The following GOLGA8A variants were observed in gnomAD, a reference collection of about 807,000 sequenced individuals.
GOLGA8A encodes golgin A8 family member A.
A neutral mutation model predicts 22.1 loss-of-function variants in GOLGA8A; 3 were observed. The observed-to-expected ratio is 0.14, with a 90% CI of 0.06 to 0.35. The LOEUF (loss-of-function observed/expected upper bound fraction) is 0.35, where lower values mean the gene tolerates loss of function less well. GOLGA8A is among the 10% of genes least tolerant of loss of function. The probability of loss-of-function intolerance (pLI) is 1.00; values close to 1 mark genes in which losing one functional copy is unlikely to be tolerated. For synonymous variants in GOLGA8A, 7 were observed against 91.7 expected (o/e 0.08, Z 5.28); for missense variants, 16 against 233.2 (o/e 0.07, Z 6.07).
intron 2 of GOLGA8A, among the ~76,000 whole-genome samples, chr15:34,432,350 T>G (rs1026771903): frequency 6.7e-6 from 1 of 148,476 alleles, no homozygotes; most frequent in African/African-American, 2.5e-5. Flanking sequence ...AAAACAAATC[T>G]GATACAAAAT....
intron 2 of GOLGA8A, chr15:34,416,475 TG>T (rs1378503259): frequency 2.2e-5 from 3 of 139,524 alleles, no homozygotes; most frequent in Non-Finnish European, 4.6e-5. Flanking sequence ...TGCCCCCTTT[TG>T]TTCATTCATA....
rs1034126115 is a variant in GOLGA8A, at chr15:34,437,436, CTCGCCGCG to C, written c.-1258_-1251del. 7.2e-6 allele frequency: 1 copy of C among 139,334 alleles called. No individual in the cohort carries two copies. The highest frequency in any genetic ancestry group is 2.6e-5 in the African/African-American group (1 of 38,322). 8.6% of individuals were successfully genotyped at this position (139,334 alleles called of 1,614,324 possible). Reference sequence around the variant, plus strand: ...GGGGCTGCCCCGGTCCGCCGCCGTCCTCGCCGCGCCGCCGTCCTCGCCGCGCCGCCGTC... The same window carrying C: ...GGGGCTGCCCCGGTCCGCCGCCGTCCCCGCCGTCCTCGCCGCGCCGCCGTC... On this transcript the variant is annotated 5_prime_UTR_variant, in exon 1 of 25. Transcript: ENST00000359187.
chr15:34,430,949 G>A (rs1449673080), intron 2 of GOLGA8A, among the ~76,000 whole-genome samples: 1 of 148,916 alleles, frequency 6.7e-6, no homozygotes, highest in Non-Finnish European at 1.5e-5. Flanking sequence ...ACCAGCTCCG[G>A]ATAATTCAGA....
chr15:34,425,955 G>A (rs1363807000), intron 2 of GOLGA8A, among the ~76,000 whole-genome samples: 1 of 143,778 alleles, frequency 7.0e-6, no homozygotes, highest in African/African-American at 2.5e-5. Context: ...AGAGAGTGTC[G>A]ATGTCCAGAG....
chr15:34,430,927 G>A (rs1285301688), intron 2 of GOLGA8A, among the ~76,000 whole-genome samples: 2 of 149,162 alleles, frequency 1.3e-5, no homozygotes, highest in East Asian at 3.9e-4. Context: ...CACCACACCC[G>A]TGACAGCTGC....
At chr15:34,423,293 T>A (rs533573597) in intron 2 of GOLGA8A, among the ~76,000 whole-genome samples, 13 of 122,482 alleles carry the variant, frequency 1.1e-4, no homozygotes, top group East Asian at 2.4e-4. Flanking sequence ...AGAGGCTGAA[T>A]TCCTGGCAAC....
rs117989180 is a variant in GOLGA8A, at chr15:34,431,563, G to A, written c.-1123+3820C>T. Among the ~76,000 whole-genome samples the A allele has an allele frequency of 7.6e-4, 112 of 146,904 alleles. 7 individuals are homozygous for A. Among genetic ancestry groups the A allele is most frequent in the African/African-American group, 2.8e-3 (110 of 39,868 alleles). ...CAGTCTACTGCTCCTAGGCTGCAAA[G>A]CTAGGCAGCATGTTACTGTGCTGAA... On this transcript the variant is annotated intron_variant, in intron 2 of 24. Transcript: ENST00000359187.
intron 2 of GOLGA8A, among the ~76,000 whole-genome samples, chr15:34,421,360 C>T (rs1892790587): frequency 7.0e-6 from 1 of 142,440 alleles, no homozygotes; most frequent in African/African-American, 2.6e-5. Flanking sequence ...CCATTAGGAA[C>T]ACTGTCATTG....
intron 2 of GOLGA8A, among the ~76,000 whole-genome samples, chr15:34,426,217 AAC>A (rs1892976814): frequency 6.7e-6 from 1 of 149,666 alleles, no homozygotes; most frequent in Admixed American, 6.7e-5. Context: ...TCAATAAATA[AAC>A]AGTCACATAT....
chr15:34,379,130 C>G lies in GOLGA8A; in HGVS notation c.*2281G>C, dbSNP rs993626744. 1.3e-5 allele frequency: 2 copies of G among 152,628 alleles called. No individual in the cohort carries two copies. Among genetic ancestry groups the G allele is most frequent in the African/African-American group, 4.8e-5 (2 of 41,442 alleles). The allele number at this position is 152,628 out of a possible 1,614,324, so 9.5% of individuals were successfully genotyped here. A position where few individuals can be genotyped will look rare whatever the true frequency, so the allele number is the denominator to read the frequency against. ...ATCACATCAGCAGTCAATAATGCCA[C>G]TTTAAGCAAAAGTCTTTCAGTATTT... On this transcript the variant is annotated 3_prime_UTR_variant, in exon 25 of 25. Coordinates refer to ENST00000359187, the MANE Select transcript of GOLGA8A (RefSeq NM_181077.5).
intron 2 of GOLGA8A, among the ~76,000 whole-genome samples, chr15:34,423,552 G>A (rs1314634518): frequency 6.7e-6 from 1 of 148,810 alleles, no homozygotes; most frequent in East Asian, 2.0e-4. Flanking sequence ...CTTGTCACAA[G>A]GAAGCACGAG....
chr15:34,381,929 AC>A, intron 23 of GOLGA8A, 38 bp downstream of exon 23: 5 of 98,154 alleles, frequency 5.1e-5, no homozygotes, highest in Non-Finnish European at 8.5e-5. Context: ...CCACACCCCC[AC>A]CCCACCCCCA....
chr15:34,433,038 T>C (rs56962987), intron 2 of GOLGA8A, among the ~76,000 whole-genome samples: 2,009 of 149,230 alleles, frequency 0.013, 191 homozygotes, highest in African/African-American at 0.047. Context: ...AGAAGACTGG[T>C]CCTGGGCCCC....
chr15:34,437,438 CGCCGCGCCG>C lies in GOLGA8A; in HGVS notation c.-1261_-1253del, dbSNP rs1158600920. ...GGCTGCCCCGGTCCGCCGCCGTCCT[CGCCGCGCCG>C]CCGTCCTCGCCGCGCCGCCGTCCTC... On this transcript the variant is annotated 5_prime_UTR_variant, in exon 1 of 25. Coordinates refer to ENST00000359187, the MANE Select transcript of GOLGA8A (RefSeq NM_181077.5). 1 of 138,356 alleles carries C rather than the reference CGCCGCGCCG, an allele frequency of 7.2e-6. No individual in the cohort carries two copies. Among genetic ancestry groups the C allele is most frequent in the Non-Finnish European group, 1.6e-5 (1 of 62,786 alleles). The allele number at this position is 138,356 out of a possible 1,614,324, so 8.6% of individuals were successfully genotyped here.
chr15:34,410,770 C>T (rs62014565), intron 2 of GOLGA8A, among the ~76,000 whole-genome samples: 42,793 of 82,182 alleles, frequency 0.52, 10,154 homozygotes, highest in East Asian at 0.82. Flanking sequence ...GTGGATGCTC[C>T]GGCCACTCTT....
chr15:34,436,355 C>T (rs958663027), intron 1 of GOLGA8A, among the ~76,000 whole-genome samples: 2 of 149,702 alleles, frequency 1.3e-5, no homozygotes, highest in African/African-American at 4.9e-5. Context: ...GCAGTTTAGC[C>T]CAAAAACAAA....
rs191158281 is a variant in GOLGA8A, at chr15:34,434,859, C to G, written c.-1123+524G>C. Among the ~76,000 whole-genome samples the G allele has an allele frequency of 2.9e-3, 439 of 149,602 alleles. 31 individuals are homozygous for G. The East Asian group carries it at 0.058, about 20-fold the overall frequency. On this transcript the variant is annotated intron_variant, in intron 2 of 24. Transcript: ENST00000359187. ...TGGCAAGGGTGAGGAACTGAGACTG[C>G]GTTGAGGACACACAGCCTGTGAGTG...
chr15:34,425,222 G>A lies in GOLGA8A; in HGVS notation c.-1123+10161C>T, dbSNP rs1418218214. Reference sequence around the variant, plus strand: ...TAACTAAGTCTTACCAAAAGCCACCGTAACTTACACGGTAGATAGTGGCAC... The same window carrying A: ...TAACTAAGTCTTACCAAAAGCCACCATAACTTACACGGTAGATAGTGGCAC... On this transcript the variant is annotated intron_variant, in intron 2 of 24. Transcript: ENST00000359187. 1.8e-4 allele frequency among the ~76,000 whole-genome samples: 26 copies of A among 148,016 alleles called. 1 individual carries two copies. The highest frequency in any genetic ancestry group is 5.2e-4 in the African/African-American group (21 of 40,206).
intron 2 of GOLGA8A, among the ~76,000 whole-genome samples, chr15:34,433,510 G>A (rs1425005287): frequency 1.3e-5 from 2 of 149,302 alleles, no homozygotes; most frequent in South Asian, 2.1e-4. Flanking sequence ...ATGTGAAACC[G>A]ACGTTGCACT....
Sources: gnomAD v4.1 joint callset for allele counts (sites outside exome capture counted in the v4.1 genomes callset) on GRCh38, gnomAD v4.1.1 for gene constraint, MANE v1.5 for transcripts, NCBI Gene and HGNC (gene_info 2026-07-23, HGNC 2026-07-21) for gene names.